ELAVL3: variants seen among roughly 807,000 people sequenced by gnomAD.
ELAVL3 encodes ELAV-like protein 3.
A neutral mutation model predicts 34.2 loss-of-function variants in ELAVL3; 8 were observed. The ratio of observed to expected loss-of-function variants is 0.23; its 90% CI spans 0.14 to 0.42. The LOEUF (loss-of-function observed/expected upper bound fraction) is 0.42. Among genes scored for constraint, ELAVL3 ranks in the 10% least tolerant of loss-of-function variants. ELAVL3 has a pLI of 1.00. For synonymous variants in ELAVL3, 209 were observed against 222.1 expected (o/e 0.94, Z 0.53); for missense variants, 273 against 518.8 (o/e 0.53, Z 4.60).
chr19:11,478,354 G>C (rs1192012054), intron 1 of ELAVL3, among the ~76,000 whole-genome samples: 1 of 152,112 alleles, frequency 6.6e-6, no homozygotes, highest in African/African-American at 2.4e-5. Context: ...CCAGTATCTC[G>C]TTTCCTCTGT....
chr19:11,458,653 C>A lies in ELAVL3; in HGVS notation c.334-42G>T, dbSNP rs1970820884. On this transcript the variant is annotated intron_variant, in intron 3 of 6. Coordinates refer to ENST00000359227, the MANE Select transcript of ELAVL3 (RefSeq NM_001420.4). The surrounding 1 kb of genome is among the most constrained non-coding windows in gnomAD (Gnocchi z 7.3). ...GATGGACAGGGGTGAGGCAGAGACC[C>A]ATTTCACAGATGGAGAGAGTGAGGC... 1 of 1,607,458 alleles carries A rather than the reference C, an allele frequency of 6.2e-7. No homozygotes were observed. Among genetic ancestry groups the A allele is most frequent in the South Asian group, 1.1e-5 (1 of 90,754 alleles).
chr19:11,458,330 C>T lies in ELAVL3; in HGVS notation c.488-44G>A, dbSNP rs1259685315. On this transcript the variant is annotated intron_variant, in intron 4 of 6. Coordinates refer to ENST00000359227, the MANE Select transcript of ELAVL3 (RefSeq NM_001420.4). This position sits in a 1 kb window ranked among gnomAD's most constrained non-coding sequence, Gnocchi z 7.3. ...GTCCATCACGACGACCCTGTCCCCTCCTGTGTAACCCCACTTCTCCCTTCC... is the reference window on the plus strand; with the variant it reads ...GTCCATCACGACGACCCTGTCCCCTTCTGTGTAACCCCACTTCTCCCTTCC... 5 of 1,608,304 alleles carry T rather than the reference C, an allele frequency of 3.1e-6. No homozygotes were observed. The highest frequency in any genetic ancestry group is 2.2e-5 in the South Asian group (2 of 90,884).
At chr19:11,456,630 G>A (rs908182661) in intron 6 of ELAVL3, among the ~76,000 whole-genome samples, 1 of 151,670 alleles carries the variant, frequency 6.6e-6, no homozygotes, top group Non-Finnish European at 1.5e-5. Flanking sequence ...CTCCTGAGTA[G>A]CTGGGATTAC....
chr19:11,464,472 C>T (rs1970968498), intron 3 of ELAVL3, among the ~76,000 whole-genome samples: 2 of 151,962 alleles, frequency 1.3e-5, no homozygotes, highest in East Asian at 1.9e-4. Flanking sequence ...CACAGCCACT[C>T]GCACACTGTG....
chr19:11,465,056 TACACAC>T (rs1971007964), intron 3 of ELAVL3, among the ~76,000 whole-genome samples: 4 of 42,536 alleles, frequency 9.4e-5, no homozygotes, highest in Admixed American at 8.7e-4. Flanking sequence ...CATACACACA[TACACAC>T]ATCCCACACA....
rs560928125 is a variant in ELAVL3 at position 11,458,443 on chromosome 19, C to T, written c.487+15G>A. On this transcript the variant is annotated intron_variant, in intron 4 of 6. Coordinates refer to ENST00000359227, the MANE Select transcript of ELAVL3 (RefSeq NM_001420.4). This position sits in a 1 kb window ranked among gnomAD's most constrained non-coding sequence, Gnocchi z 7.3. ...CCAGCGCCCCCGCCAGGTGCACCCTCCCTGACTGCCTGACCTGTGACCTGG... is the reference window on the plus strand; with the variant it reads ...CCAGCGCCCCCGCCAGGTGCACCCTTCCTGACTGCCTGACCTGTGACCTGG... 6.8e-6 allele frequency: 11 copies of T among 1,613,996 alleles called. No individual in the cohort carries two copies. In the East Asian group the frequency reaches 2.2e-4, roughly 33 times the overall value.
In ELAVL3 at chr19:11,458,755, G is replaced by A; in HGVS notation, c.334-144C>T. On this transcript the variant is annotated intron_variant, in intron 3 of 6. Coordinates refer to ENST00000359227, the MANE Select transcript of ELAVL3 (RefSeq NM_001420.4). This position sits in a 1 kb window ranked among gnomAD's most constrained non-coding sequence, Gnocchi z 7.3. ...AAGTATCTCTAGAGTTGTCACCGTG[G>A]GGTGGGGCTGAGTCAGATATGGGAG... 1 of 1,123,130 alleles carries A rather than the reference G, an allele frequency of 8.9e-7. No homozygotes were observed. Among genetic ancestry groups the A allele is most frequent in the South Asian group, 1.5e-5 (1 of 66,500 alleles). The allele number at this position is 1,123,130 out of a possible 1,614,324, so 69.6% of individuals were successfully genotyped here.
At chr19:11,472,838 G>T (rs371354736) in intron 1 of ELAVL3, among the ~76,000 whole-genome samples, 4 of 152,084 alleles carry the variant, frequency 2.6e-5, no homozygotes, top group African/African-American at 4.8e-5. Flanking sequence ...ACCAAGGGGG[G>T]GTGGATCGCC....
intron 1 of ELAVL3, among the ~76,000 whole-genome samples, chr19:11,467,814 G>C (rs1283450660): frequency 6.6e-6 from 1 of 151,428 alleles, no homozygotes; most frequent in Non-Finnish European, 1.5e-5. Flanking sequence ...TTTAGAAAAA[G>C]GGTCTCGCTC....
In ELAVL3 at chr19:11,462,043, C is replaced by T. The variant is rs1047021774; in HGVS notation, c.334-3432G>A. Among the ~76,000 whole-genome samples, 9 of 151,914 alleles carry T rather than the reference C, an allele frequency of 5.9e-5. No individual in the cohort carries two copies. The East Asian group carries it at 7.8e-4, about 13-fold the overall frequency. ...ACAAAAAATTAGCCAGGCGTGGTGG[C>T]GGGTGCCTGTAATCCCAGCTACTCG... is the stretch of plus-strand genomic sequence containing the variant. On this transcript the variant is annotated intron_variant, in intron 3 of 6. Coordinates refer to ENST00000359227, the MANE Select transcript of ELAVL3 (RefSeq NM_001420.4).
chr19:11,480,686 T>C lies in ELAVL3; in HGVS notation c.-78A>G. The C allele has an allele frequency of 2.3e-6, 3 of 1,309,062 alleles. No homozygotes were observed. Among genetic ancestry groups the C allele is most frequent in the Non-Finnish European group, 3.0e-6 (3 of 1,005,616 alleles). The allele number at this position is 1,309,062 out of a possible 1,614,324, so 81.1% of individuals were successfully genotyped here. ...GCACTCCTAGGGGGGCGCCCGATGC[T>C]CACGCTGGGGTCCCGCCCGGGCGGC... is the stretch of plus-strand genomic sequence containing the variant. On this transcript the variant is annotated 5_prime_UTR_variant, in exon 1 of 7. Coordinates refer to ENST00000359227, the MANE Select transcript of ELAVL3 (RefSeq NM_001420.4). The surrounding 1 kb of genome is among the most constrained non-coding windows in gnomAD (Gnocchi z 6.8).
At chr19:11,461,382 A>G (rs1156562026) in intron 3 of ELAVL3, among the ~76,000 whole-genome samples, 1 of 152,048 alleles carries the variant, frequency 6.6e-6, no homozygotes, top group Non-Finnish European at 1.5e-5. Context: ...GTGACCTGTC[A>G]CCAGGGACTG....
intron 3 of ELAVL3, among the ~76,000 whole-genome samples, chr19:11,465,278 TACACACACACACACC>T (rs1416796831): frequency 7.6e-5 from 7 of 91,712 alleles, no homozygotes; most frequent in East Asian, 3.6e-4. Context: ...ACCACACACA[TACACACACACACACC>T]ACACACACAC....
In ELAVL3 at chr19:11,457,499, G is replaced by A. The variant is rs188447408; in HGVS notation, c.714-351C>T. Among the ~76,000 whole-genome samples the A allele has an allele frequency of 3.4e-3, 520 of 152,346 alleles. 1 individual carries two copies. Among genetic ancestry groups the A allele is most frequent in the Non-Finnish European group, 5.3e-3 (362 of 68,034 alleles). ...CAGCCAACATTCTCGCAGCACTTGA[G>A]GGGGTGGGTAACTTGCCCCGGCCAC... is the stretch of plus-strand genomic sequence containing the variant. On this transcript the variant is annotated intron_variant, in intron 5 of 6. Transcript: ENST00000359227.
At position 11,458,366 on chromosome 19, in the gene ELAVL3, C is replaced by T; in HGVS notation, c.488-80G>A. On this transcript the variant is annotated intron_variant, in intron 4 of 6. Coordinates refer to ENST00000359227, the MANE Select transcript of ELAVL3 (RefSeq NM_001420.4). The surrounding 1 kb of genome is among the most constrained non-coding windows in gnomAD (Gnocchi z 7.3). ...CCACTTCTCCCTTCCCTGCTTCATG[C>T]CCTGGCATCTTGGTCGGTTTCCCCA... The T allele has an allele frequency of 6.2e-7, 1 of 1,605,818 alleles. No individual in the cohort carries two copies. The highest frequency in any genetic ancestry group is 8.5e-7 in the Non-Finnish European group (1 of 1,175,382).
intron 1 of ELAVL3, among the ~76,000 whole-genome samples, chr19:11,471,554 A>G (rs1378257343): frequency 6.6e-6 from 1 of 152,040 alleles, no homozygotes; most frequent in South Asian, 2.1e-4. Context: ...CGGAGTTTGC[A>G]GTGAGCTGAG....
chr19:11,475,121 G>A (rs953772472), intron 1 of ELAVL3, among the ~76,000 whole-genome samples: 6 of 152,066 alleles, frequency 3.9e-5, no homozygotes, highest in Non-Finnish European at 8.8e-5. Context: ...CACCGCACCC[G>A]GCCTAATACT....
At chr19:11,472,112 GCTGAGGCAGGTGGATCAT>G (rs1971175486) in intron 1 of ELAVL3, among the ~76,000 whole-genome samples, 1 of 152,190 alleles carries the variant, frequency 6.6e-6, no homozygotes, top group Non-Finnish European at 1.5e-5. Context: ...ACTTTGGGAG[GCTGAGGCAGGTGGATCAT>G]CTGAGGTCAG....
intron 5 of ELAVL3, 136 bp from the exon 6 acceptor site, chr19:11,457,284 G>GC: frequency 1.1e-6 from 1 of 892,396 alleles, no homozygotes; most frequent in Admixed American, 4.7e-5. Context: ...CTCCCCGCCC[G>GC]CCCGGCTAGA....
Sources: gnomAD v4.1 joint callset for allele counts (sites outside exome capture counted in the v4.1 genomes callset) on GRCh38, gnomAD v4.1.1 for gene constraint, Gnocchi (gnomAD v3.1) non-coding constraint, MANE v1.5 for transcripts, NCBI Gene and HGNC (gene_info 2026-07-23, HGNC 2026-07-21) for gene names.